Variants in RNF17 observed in about 807,000 individuals in gnomAD.
RNF17 encodes the protein ring finger protein 17.
A neutral mutation model predicts 200.5 loss-of-function variants in RNF17; 31 were observed. The observed-to-expected ratio is 0.15, with a 90% CI of 0.12 to 0.21. The LOEUF (loss-of-function observed/expected upper bound fraction) is 0.21. Ranked by LOEUF, RNF17 falls within the 10% of genes least tolerant of loss-of-function variation. The probability of loss-of-function intolerance (pLI) is 1.00; values close to 1 mark genes in which losing one functional copy is unlikely to be tolerated. For missense variants in RNF17, 1,628 were observed against 1,905.1 expected, an observed-to-expected ratio of 0.85 and a Z score of 2.71; for synonymous variants, 606 against 637.8, an observed-to-expected ratio of 0.95 and a Z score of 0.75.
chr13:24,798,566 C>T (rs1884876624), intron 11 of RNF17, among the ~76,000 whole-genome samples: 1 of 152,164 alleles, frequency 6.6e-6, no homozygotes, highest in South Asian at 2.1e-4. Flanking sequence ...TTTAAATGGG[C>T]TCTAAGACTA....
chr13:24,883,182 G>A (rs747038781), downstream of RNF17: 8 of 1,613,634 alleles, frequency 5.0e-6, no homozygotes, highest in Admixed American at 1.2e-4. Context: ...GATCGTCACA[G>A]CTCCGTGTCC....
chr13:24,880,426 T>C (rs1953783784), downstream of RNF17, among the ~76,000 whole-genome samples: 1 of 152,208 alleles, frequency 6.6e-6, no homozygotes, highest in Non-Finnish European at 1.5e-5. Flanking sequence ...TATTAAGAGG[T>C]GAACACTACT....
chr13:24,855,286 CTT>C (rs1388904109), intron 25 of RNF17, among the ~76,000 whole-genome samples: 2 of 152,014 alleles, frequency 1.3e-5, no homozygotes, highest in Non-Finnish European at 2.9e-5. Flanking sequence ...GTACCTGTCT[CTT>C]GTTACACAAG....
At chr13:24,751,784 A>G in the RNF17 span, 2 of 152,168 alleles carry the variant, frequency 1.3e-5, no homozygotes, top group Non-Finnish European at 2.9e-5. Flanking sequence ...ATTTTCAAGT[A>G]TCTTTTTTTT....
chr13:24,884,068 T>G (rs758219010), downstream of RNF17: 1 of 1,611,486 alleles, frequency 6.2e-7, no homozygotes, highest in Non-Finnish European at 8.5e-7. Flanking sequence ...TTTTCTTCCA[T>G]CTGGGTAATG....
At position 24,823,086 on chromosome 13, in the gene RNF17, G is replaced by GA. The variant is rs569675285; in HGVS notation, c.2092-2524dup. On this transcript the variant is annotated intron_variant, in intron 15 of 35. Coordinates refer to ENST00000255324, the MANE Select transcript of RNF17 (RefSeq NM_031277.3). Reference sequence around the variant, plus strand: ...AGAGAGTTGTGTTCTTTTTTTAAAAGAAAAAAAAACGGAGTCTGGCTCTGT... The same window carrying GA: ...AGAGAGTTGTGTTCTTTTTTTAAAAGAAAAAAAAAACGGAGTCTGGCTCTGT... 1.9e-4 allele frequency among the ~76,000 whole-genome samples: 29 copies of GA among 150,120 alleles called. No homozygotes were observed. In the South Asian group the frequency reaches 2.1e-3, roughly 11 times the overall value.
Position 24,868,583 on chromosome 13 carries a change from T to G in RNF17, c.4162-17T>G, listed in dbSNP as rs1166034676. 7.3e-7 allele frequency: 1 copy of G among 1,361,186 alleles called. No individual in the cohort carries two copies. The highest frequency in any genetic ancestry group is 1.7e-5 in the Admixed American group (1 of 59,530). 84.3% of individuals were successfully genotyped at this position (1,361,186 alleles called of 1,614,324 possible). On this transcript the variant is annotated splice_polypyrimidine_tract_variant and intron_variant, in intron 30 of 35. Coordinates refer to ENST00000255324, the MANE Select transcript of RNF17 (RefSeq NM_031277.3). ...TTGTCCTTATTCTGAAATTTGAATT[T>G]TTCTGTGGTGTTTTAGGAATTGCTT...
chr13:24,831,879 T>C lies in RNF17; in HGVS notation c.2383T>C (p.Tyr795His), dbSNP rs141678432. The C allele has an allele frequency of 6.3e-7, 1 of 1,598,976 alleles. No homozygotes were observed. Among genetic ancestry groups the C allele is most frequent in the South Asian group, 1.2e-5 (1 of 86,944 alleles). ...ACAGGCAATTAAATGTAAGTTGGCCTATATTGAACCATATAAAAGGACAAT... is the reference window on the plus strand; with the variant it reads ...ACAGGCAATTAAATGTAAGTTGGCCCATATTGAACCATATAAAAGGACAAT... ...PEKAIKCKLA[Y>H]IEPYKRTMQW... The change falls in exon 18 of 36, where the codon TAT (tyrosine) becomes CAT (histidine). Residue 795 changes from tyrosine (Y) to histidine (H), a missense_variant. By Grantham distance (83) the Tyr-to-His change is moderately conservative. Transcript: ENST00000255324.
chr13:24,849,939 A>G (rs1406601487), intron 22 of RNF17, among the ~76,000 whole-genome samples: 2 of 152,192 alleles, frequency 1.3e-5, no homozygotes, highest in Non-Finnish European at 2.9e-5. Context: ...ACAGGGCACT[A>G]TACTAGTCAT....
chr13:24,813,686 A>G (rs892435054), intron 15 of RNF17, among the ~76,000 whole-genome samples: 7 of 151,754 alleles, frequency 4.6e-5, no homozygotes, highest in African/African-American at 1.5e-4. Flanking sequence ...GCTGGAGTGC[A>G]GTGGCAAGAT....
At chr13:24,883,866 C>T, downstream of RNF17, 1 of 1,383,864 alleles carries the variant, frequency 7.2e-7, no homozygotes, top group Non-Finnish European at 1.0e-6. Context: ...ATATGGGTGT[C>T]ACATATCATC....
At chr13:24,834,455 C>A (rs1425286603) in intron 18 of RNF17, among the ~76,000 whole-genome samples, 1 of 151,746 alleles carries the variant, frequency 6.6e-6, no homozygotes, top group Non-Finnish European at 1.5e-5. Context: ...AAGCAACAAA[C>A]CCTCTGCAGG....
At position 24,853,835 on chromosome 13, in the gene RNF17, T is replaced by A; in HGVS notation, c.3321-20T>A. ...TTATATTTGCTTATGTTTAGATGTG[T>A]TCTTTTTTGGATGTTACAGAATTAA... On this transcript the variant is annotated intron_variant, in intron 24 of 35. Transcript: ENST00000255324. The A allele has an allele frequency of 6.4e-7, 1 of 1,563,388 alleles. No individual in the cohort carries two copies. The highest frequency in any genetic ancestry group is 8.7e-7 in the Non-Finnish European group (1 of 1,153,578).
At chr13:24,873,202 T>C (rs1894482836) in intron 32 of RNF17, among the ~76,000 whole-genome samples, 1 of 152,054 alleles carries the variant, frequency 6.6e-6, no homozygotes, top group East Asian at 1.9e-4. Flanking sequence ...GTATCAGAAG[T>C]TGGGGCAGTG....
chr13:24,810,913 C>T (rs1196836595), intron 15 of RNF17, among the ~76,000 whole-genome samples: 1 of 147,542 alleles, frequency 6.8e-6, no homozygotes, highest in East Asian at 2.0e-4. Context: ...CTTAGTTTGG[C>T]TGGATATGAA....
At chr13:24,806,818 TC>T (rs1418896709) in intron 15 of RNF17, among the ~76,000 whole-genome samples, 24 of 117,362 alleles carry the variant, frequency 2.0e-4, no homozygotes, top group African/African-American at 6.0e-4. Flanking sequence ...CCCAAAACAG[TC>T]CCCAGAGTGT....
intron 1 of RNF17, 56 bp downstream of exon 1, chr13:24,764,389 G>A (rs925410467): frequency 8.6e-6 from 13 of 1,509,052 alleles, no homozygotes; most frequent in Admixed American, 4.1e-5. Context: ...AGCGCTGGGG[G>A]CCAGGTGAGC....
At chr13:24,811,547 AT>A (rs1398603938) in intron 15 of RNF17, among the ~76,000 whole-genome samples, 71 of 151,608 alleles carry the variant, frequency 4.7e-4, no homozygotes, top group Non-Finnish European at 7.2e-4. Context: ...ATTCTTCTAA[AT>A]TTTTTTCAAA....
At chr13:24,864,422 CTG>C (rs1893415541) in intron 28 of RNF17, among the ~76,000 whole-genome samples, 3 of 152,210 alleles carry the variant, frequency 2.0e-5, no homozygotes, top group Non-Finnish European at 4.4e-5. Flanking sequence ...CACCCAATAA[CTG>C]TAAGTGAACT....
Sources: gnomAD v4.1 joint callset for allele counts (sites outside exome capture counted in the v4.1 genomes callset) on GRCh38, gnomAD v4.1.1 for gene constraint, MANE v1.5 for transcripts, NCBI Gene and HGNC (gene_info 2026-07-23, HGNC 2026-07-21) for gene names.